SMYD3: variants seen among roughly 807,000 people sequenced by gnomAD.
SMYD3 encodes the protein SET and MYND domain containing 3.
Under a neutral mutation model 57.7 loss-of-function variants are expected in SMYD3, and 36 were observed. The observed-to-expected ratio is 0.62, with a 90% CI of 0.48 to 0.82. The LOEUF (loss-of-function observed/expected upper bound fraction) is 0.82, where lower values mean the gene tolerates loss of function less well. Among genes scored for constraint, SMYD3 ranks in the 40% least tolerant of loss-of-function variants. The pLI, the probability that SMYD3 is intolerant of heterozygous loss-of-function variation, is 0.00. For missense variants in SMYD3, 515 were observed against 538.8 expected (o/e 0.96, Z 0.44); for synonymous variants, 211 against 195.0 (o/e 1.08, Z -0.68).
intron 5 of SMYD3, among the ~76,000 whole-genome samples, chr1:246,056,497 G>A (rs2060153192): frequency 6.6e-6 from 1 of 151,774 alleles, no homozygotes; most frequent in Non-Finnish European, 1.5e-5. Context: ...AAGTGGCAAA[G>A]CTCAGTTTGT....
chr1:245,920,952 T>C (rs1219745959), intron 7 of SMYD3, among the ~76,000 whole-genome samples: 1 of 152,100 alleles, frequency 6.6e-6, no homozygotes, highest in Non-Finnish European at 1.5e-5. Context: ...GGACCTAAAC[T>C]AAAGAGTTTC....
At chr1:246,452,146 A>T (rs549927348) in intron 1 of SMYD3, among the ~76,000 whole-genome samples, 32 of 152,352 alleles carry the variant, frequency 2.1e-4, no homozygotes, top group Non-Finnish European at 4.0e-4. Context: ...GGAAACTGTC[A>T]AATACTTACA....
chr1:246,073,554 A>G (rs529830382), intron 5 of SMYD3, among the ~76,000 whole-genome samples: 1 of 151,962 alleles, frequency 6.6e-6, no homozygotes, highest in African/African-American at 2.4e-5. Flanking sequence ...CGATCTCTAC[A>G]AAAAATACAA....
intron 5 of SMYD3, among the ~76,000 whole-genome samples, chr1:246,255,893 T>TTA (rs2063876881): frequency 6.6e-6 from 1 of 151,310 alleles, no homozygotes; most frequent in African/African-American, 2.4e-5. Flanking sequence ...TGTGTGTGTA[T>TTA]TAGTCAGGGT....
intron 5 of SMYD3, among the ~76,000 whole-genome samples, chr1:246,257,291 A>G (rs1004686187): frequency 1.3e-5 from 2 of 152,150 alleles, no homozygotes; most frequent in Non-Finnish European, 2.9e-5. Context: ...TGGTTGTCTA[A>G]GTCTTTTCCT....
chr1:246,374,950 G>T (rs2066249581), intron 1 of SMYD3, among the ~76,000 whole-genome samples: 1 of 152,156 alleles, frequency 6.6e-6, no homozygotes, highest in African/African-American at 2.4e-5. Context: ...AAAATCAGCA[G>T]GGCATGGTGG....
chr1:246,268,834 T>C (rs993517472), intron 5 of SMYD3, among the ~76,000 whole-genome samples: 6 of 152,136 alleles, frequency 3.9e-5, no homozygotes, highest in African/African-American at 1.4e-4. Flanking sequence ...TAAACTTGCT[T>C]TCACTGTGCA....
chr1:246,279,163 C>T (rs958449459), intron 5 of SMYD3, among the ~76,000 whole-genome samples: 2 of 152,212 alleles, frequency 1.3e-5, no homozygotes, highest in African/African-American at 4.8e-5. Context: ...CACCCCTTGG[C>T]TCTAAGTGGC....
At position 246,139,471 on chromosome 1, in the gene SMYD3, C is replaced by G. The variant is rs558785208; in HGVS notation, c.531+187730G>C. Among the ~76,000 whole-genome samples, 19 of 152,296 alleles carry G rather than the reference C, an allele frequency of 1.2e-4. No homozygotes were observed. The East Asian group carries it at 3.7e-3, about 29-fold the overall frequency. On this transcript the variant is annotated intron_variant, in intron 5 of 11. Coordinates refer to ENST00000490107, the MANE Select transcript of SMYD3 (RefSeq NM_001167740.2). ...CTTTCATTTCTCAACTATCAATTCC[C>G]TATTTTCCAGGAAAGGAATTTAGCA...
chr1:245,817,173 G>A (rs1254655016), intron 10 of SMYD3, among the ~76,000 whole-genome samples: 7 of 149,722 alleles, frequency 4.7e-5, no homozygotes, highest in East Asian at 4.0e-4. Flanking sequence ...GAGAGCAGTG[G>A]TTCTCCCAGC....
chr1:246,323,378 A>T (rs574703015), intron 5 of SMYD3, among the ~76,000 whole-genome samples: 4 of 152,274 alleles, frequency 2.6e-5, no homozygotes, highest in Non-Finnish European at 4.4e-5. Flanking sequence ...GTAACAGAAG[A>T]AATTTTCCAG....
At chr1:246,039,921 A>G (rs1482826938) in intron 5 of SMYD3, among the ~76,000 whole-genome samples, 1 of 152,246 alleles carries the variant, frequency 6.6e-6, no homozygotes, top group Middle Eastern at 3.2e-3. Flanking sequence ...AGAGTGGCTA[A>G]GCCCAAGCTT....
chr1:246,329,304 C>A (rs2065417492), intron 4 of SMYD3, among the ~76,000 whole-genome samples: 1 of 152,180 alleles, frequency 6.6e-6, no homozygotes, highest in Admixed American at 6.5e-5. Context: ...TACAGTCCCA[C>A]CAACAGTGTA....
chr1:246,500,754 G>GGTAAGT (rs1425493412), intron 1 of SMYD3, among the ~76,000 whole-genome samples: 1 of 152,182 alleles, frequency 6.6e-6, no homozygotes, highest in Non-Finnish European at 1.5e-5. Context: ...CAGGCTGTCT[G>GGTAAGT]AAGAACAACT....
chr1:245,944,955 C>T (rs1572757203), intron 5 of SMYD3, among the ~76,000 whole-genome samples: 1 of 151,984 alleles, frequency 6.6e-6, no homozygotes, highest in East Asian at 1.9e-4. Context: ...TGAAACTGGA[C>T]CCCTTCCTTA....
intron 5 of SMYD3, among the ~76,000 whole-genome samples, chr1:246,094,155 A>G (rs558784684): frequency 1.3e-4 from 20 of 152,310 alleles, no homozygotes; most frequent in Non-Finnish European, 1.8e-4. Flanking sequence ...CACCAAGATG[A>G]TGCAGTGTTT....
At chr1:246,114,470 C>T (rs979466723) in intron 5 of SMYD3, among the ~76,000 whole-genome samples, 41 of 152,274 alleles carry the variant, frequency 2.7e-4, no homozygotes, top group Middle Eastern at 3.4e-3. Flanking sequence ...ACATCCTGTT[C>T]CCAAATACCT....
Position 246,164,622 on chromosome 1 carries a change from A to C in SMYD3, c.531+162579T>G, listed in dbSNP as rs111911744. 1.6e-3 allele frequency among the ~76,000 whole-genome samples: 244 copies of C among 152,256 alleles called. 1 individual carries two copies. The highest frequency in any genetic ancestry group is 5.4e-3 in the African/African-American group (226 of 41,540). ...CCAAGGAAGCCAGGCCCAAAGAGAA[A>C]CTTCCTGGTGCCAGGATCATTTTGG... On this transcript the variant is annotated intron_variant, in intron 5 of 11. Transcript: ENST00000490107.
intron 1 of SMYD3, among the ~76,000 whole-genome samples, chr1:246,361,164 A>C (rs1439377304): frequency 6.6e-6 from 1 of 152,238 alleles, no homozygotes; most frequent in Non-Finnish European, 1.5e-5. Flanking sequence ...TCAAAAGAAG[A>C]TATACAAATG....
Sources: gnomAD v4.1 joint callset for allele counts (sites outside exome capture counted in the v4.1 genomes callset) on GRCh38, gnomAD v4.1.1 for gene constraint, MANE v1.5 for transcripts, NCBI Gene and HGNC (gene_info 2026-07-23, HGNC 2026-07-21) for gene names.